TASOR: variants seen among roughly 807,000 people sequenced by gnomAD.
TASOR encodes the protein transcription activation suppressor.
In TASOR, 53 loss-of-function variants were observed where a neutral mutation model predicts 178.6. That is an observed-to-expected ratio of 0.30 (90% CI 0.24 to 0.37). The LOEUF is 0.37. TASOR is among the 10% of genes least tolerant of loss of function. The pLI is 1.00. For synonymous variants in TASOR, 713 were observed against 696.2 expected, an observed-to-expected ratio of 1.02 and a Z score of -0.38; for missense variants, 1,815 against 1,971.4, an observed-to-expected ratio of 0.92 and a Z score of 1.50.
Position 56,641,597 on chromosome 3 carries a change from C to T in TASOR, c.2371G>A (p.Asp791Asn), listed in dbSNP as rs1470481787. ...AATCCTAAGGCTTTGTTGACTGTGT[C>T]TGTCAGAGATGCATCAGAATGGCGC... Reference protein sequence around the residue: ...NARHSDASLTDTVNKALGLST... With the variant: ...NARHSDASLTNTVNKALGLST... The change falls in exon 15 of 24, where the codon GAC becomes AAC. Residue 791 changes from aspartate to asparagine, a missense_variant. This residue lies in a region of TASOR where 655 missense variants were observed against 671.1 expected (regional missense o/e 0.98). Coordinates refer to ENST00000683822, the MANE Select transcript of TASOR (RefSeq NM_001365635.2). The T allele has an allele frequency of 6.2e-7, 1 of 1,614,178 alleles. No individual in the cohort carries two copies. The highest frequency in any genetic ancestry group is 2.2e-5 in the East Asian group (1 of 44,888).
rs749774958 is a variant in TASOR at position 56,633,085 on chromosome 3, T to C, written c.3706A>G (p.Ile1236Val). Residue 1236 changes from isoleucine to valine, a missense_variant, in exon 18 of 24, where the codon ATT becomes GTT. By Grantham distance (29) the Ile-to-Val change is conservative. Transcript: ENST00000683822. ...DVQKNTVKFYIHEEEESVLCK... is the reference protein window; with the variant it reads ...DVQKNTVKFYVHEEEESVLCK... The stretch of plus-strand genomic sequence containing the variant: ...AGCACACTCTCTTCTTCTTCATGAA[T>C]ATAAAATTTCACAGTATTTTTCTGG... 18 of 1,608,048 alleles carry C rather than the reference T, an allele frequency of 1.1e-5. No homozygotes were observed. Among genetic ancestry groups the C allele is most frequent in the Non-Finnish European group, 1.5e-5 (18 of 1,178,216 alleles).
chr3:56,670,288 C>T (rs2030542637), intron 3 of TASOR, 143 bp from the exon 4 acceptor site: 2 of 494,138 alleles, frequency 4.0e-6, no homozygotes, highest in Non-Finnish European at 7.2e-6. Flanking sequence ...ATATATTTGC[C>T]ACTTTATAAA....
chr3:56,641,326 G>C (rs772893094), intron 15 of TASOR, 23 bp downstream of exon 15: 2 of 1,558,308 alleles, frequency 1.3e-6, no homozygotes, highest in South Asian at 2.4e-5. Flanking sequence ...AAACACAAAG[G>C]TAACCAACAG....
At chr3:56,646,095 C>T (rs2077232040) in intron 14 of TASOR, among the ~76,000 whole-genome samples, 1 of 152,094 alleles carries the variant, frequency 6.6e-6, no homozygotes, top group South Asian at 2.1e-4. Context: ...TTGCAGTGAG[C>T]CGAGATCATG....
At chr3:56,636,730 G>A (rs1260988665) in intron 17 of TASOR, among the ~76,000 whole-genome samples, 1 of 151,798 alleles carries the variant, frequency 6.6e-6, no homozygotes, top group East Asian at 1.9e-4. Context: ...TTAAATAATT[G>A]CAGTATTTTA....
intron 1 of TASOR, among the ~76,000 whole-genome samples, chr3:56,675,529 T>C (rs1165946451): frequency 6.6e-6 from 1 of 151,738 alleles, no homozygotes; most frequent in Non-Finnish European, 1.5e-5. Flanking sequence ...TTCTTGAGAA[T>C]TACTGGTCTA....
Position 56,621,201 on chromosome 3 carries a change from T to C in TASOR, c.*1836A>G, listed in dbSNP as rs543212830. The C allele has an allele frequency of 4.0e-5, 7 of 174,534 alleles. No homozygotes were observed. The highest frequency in any genetic ancestry group is 3.0e-4 in the East Asian group (2 of 6,768). The allele number at this position is 174,534 out of a possible 1,614,324, so 10.8% of individuals were successfully genotyped here. A position where few individuals can be genotyped will look rare whatever the true frequency, so the allele number is the denominator to read the frequency against. ...ACAACAACAAAAAAAAAACACTGTATGTTAAGGGAGACTCCTTCAGTATCT... is the reference window on the plus strand; with the variant it reads ...ACAACAACAAAAAAAAAACACTGTACGTTAAGGGAGACTCCTTCAGTATCT... On this transcript the variant is annotated 3_prime_UTR_variant, in exon 24 of 24. Transcript: ENST00000683822.
Position 56,641,425 on chromosome 3 carries a change from A to G in TASOR, c.2543T>C (p.Val848Ala), listed in dbSNP as rs749765135. 1 of 1,605,412 alleles carries G rather than the reference A, an allele frequency of 6.2e-7. No individual in the cohort carries two copies. The highest frequency in any genetic ancestry group is 1.1e-5 in the South Asian group (1 of 90,986). ...FKGTQSLLLE[V>A]DATSKYSVAI... Reference sequence around the variant, plus strand: ...AACAGAATACTTAGATGTTGCATCAACTTCTAGTAATAAGCTCTGAGTACC... The same window carrying G: ...AACAGAATACTTAGATGTTGCATCAGCTTCTAGTAATAAGCTCTGAGTACC... The change falls in exon 15 of 24, where the codon GTT (valine) becomes GCT (alanine). Residue 848 changes from valine to alanine, a missense_variant. Around this residue, in one of 5 missense-constraint regions of TASOR, gnomAD observed 655 missense variants for 671.1 expected, o/e 0.98. Transcript: ENST00000683822.
intron 1 of TASOR, among the ~76,000 whole-genome samples, chr3:56,673,973 A>G (rs554248031): frequency 6.6e-6 from 1 of 152,220 alleles, no homozygotes; most frequent in East Asian, 1.9e-4. Context: ...GGAAGGTGCA[A>G]TTTTGCAAAC....
In TASOR at chr3:56,641,374, G is replaced by A. The variant is rs765167217; in HGVS notation, c.2594C>T (p.Thr865Ile). 6.3e-7 allele frequency: 1 copy of A among 1,595,854 alleles called. No individual in the cohort carries two copies. Residue 865 changes from threonine (T) to isoleucine (I), a missense_variant, in exon 15 of 24, where the codon ACT (threonine) becomes ATT (isoleucine). Thr to Ile is a moderately conservative substitution (Grantham distance 89). Coordinates refer to ENST00000683822, the MANE Select transcript of TASOR (RefSeq NM_001365635.2). ...SVAISTSEVG[T>I]DHKLHLKEDP... ...TTCTTTCAAATGTAGCTTATGGTCA[G>A]TGCCCACTTCGCTGGTAGAAATAGC...
rs1402922624 is a variant in TASOR at position 56,668,545 on chromosome 3, C to T, written c.749G>A (p.Ser250Asn). The T allele has an allele frequency of 6.5e-7, 1 of 1,544,960 alleles. No individual in the cohort carries two copies. Residue 250 changes from serine (S) to asparagine (N), a missense_variant, in exon 6 of 24, where the codon AGT becomes AAT. Ser to Asn is a conservative substitution (Grantham distance 46). Around this residue, in one of 5 missense-constraint regions of TASOR, gnomAD observed 504 missense variants for 645.3 expected, o/e 0.78. Transcript: ENST00000683822. ...TTTTACACCCATGGGGTCATATATA[C>T]TCTTTATTTTACCCTAAAATAGAGA... ...IFKIMKGKIK[S>N]IYDPMGVKSL...
At chr3:56,624,712 A>G in intron 22 of TASOR, 69 bp from the exon 23 acceptor site, 2 of 1,547,996 alleles carry the variant, frequency 1.3e-6, no homozygotes, top group Non-Finnish European at 1.8e-6. Context: ...CCCTCACAAA[A>G]TCTTTTCCTT....
intron 17 of TASOR, among the ~76,000 whole-genome samples, chr3:56,638,483 G>T (rs947409002): frequency 2.6e-5 from 4 of 152,138 alleles, no homozygotes; most frequent in Admixed American, 2.0e-4. Flanking sequence ...TATGGGTGAA[G>T]AAAATTTATA....
At chr3:56,668,872 T>A (rs184113505) in intron 5 of TASOR, among the ~76,000 whole-genome samples, 2 of 152,192 alleles carry the variant, frequency 1.3e-5, no homozygotes. Context: ...CTCAGGAAGC[T>A]ATGGCAGGCA....
chr3:56,667,236 A>G (rs1170784217), intron 6 of TASOR, among the ~76,000 whole-genome samples: 1 of 152,252 alleles, frequency 6.6e-6, no homozygotes, highest in East Asian at 1.9e-4. Flanking sequence ...CCACAACAAT[A>G]GTTCTTAAAA....
rs774785004 is a variant in TASOR, at chr3:56,623,490, T to C, written c.4560A>G (p.Val1520=). Residue 1520 remains valine (V), a synonymous_variant, in exon 24 of 24, where the codon GTA becomes GTG. Transcript: ENST00000683822. ...ATATTTCTGAATGAAAATTGCTGCA[T>C]ACTTCTATATGTGAGATTTCATCCC... The part of the protein sequence containing the change: ...DSGDEISHIE[V]CSNFHSEIWE... 6.2e-7 allele frequency: 1 copy of C among 1,613,044 alleles called. No homozygotes were observed. The highest frequency in any genetic ancestry group is 8.5e-7 in the Non-Finnish European group (1 of 1,179,974).
chr3:56,621,483 A>G lies in TASOR; in HGVS notation c.*1554T>C. The G allele has an allele frequency of 8.7e-7, 1 of 1,152,950 alleles. No homozygotes were observed. Among genetic ancestry groups the G allele is most frequent in the Non-Finnish European group, 1.3e-6 (1 of 799,648 alleles). 71.4% of individuals were successfully genotyped at this position (1,152,950 alleles called of 1,614,324 possible). A position where few individuals can be genotyped will look rare whatever the true frequency, so the allele number is the denominator to read the frequency against. The stretch of plus-strand genomic sequence containing the variant: ...AATTCTAGTTTAACACAACATTGCA[A>G]GTCAGGTGTGCACATTTTACTAACA... On this transcript the variant is annotated 3_prime_UTR_variant, in exon 24 of 24. Coordinates refer to ENST00000683822, the MANE Select transcript of TASOR (RefSeq NM_001365635.2).
At chr3:56,663,667 T>C in intron 7 of TASOR, 95 bp from the exon 8 acceptor site, 3 of 1,157,452 alleles carry the variant, frequency 2.6e-6, no homozygotes, top group Non-Finnish European at 3.2e-6. Flanking sequence ...TTTAATGGCA[T>C]ACTACAGTTA....
chr3:56,653,262 C>CAAAAAAAAA lies in TASOR; in HGVS notation c.1369-4214_1369-4206dup, dbSNP rs1176419181. ...TGGGCAACAGAGTGAGACTCCATCTCAAAAAAAAAAAAAAAAAAAAAAAAA... is the reference window on the plus strand; with the variant it reads ...TGGGCAACAGAGTGAGACTCCATCTCAAAAAAAAAAAAAAAAAAAAAAAAAAAAAAAAAA... On this transcript the variant is annotated intron_variant, in intron 11 of 23. Transcript: ENST00000683822. 4.4e-3 allele frequency among the ~76,000 whole-genome samples: 22 copies of CAAAAAAAAA among 4,970 alleles called. 2 individuals carry two copies. Among genetic ancestry groups the CAAAAAAAAA allele is most frequent in the Non-Finnish European group, 7.3e-3 (18 of 2,480 alleles). The allele number at this position is 4,970 out of a possible 152,430, so 3.3% of individuals were successfully genotyped here. A position where few individuals can be genotyped will look rare whatever the true frequency, so the allele number is the denominator to read the frequency against.
Sources: gnomAD v4.1 joint callset for allele counts (sites outside exome capture counted in the v4.1 genomes callset) on GRCh38, gnomAD v4.1.1 for gene constraint, gnomAD v4.1.1 regional missense constraint, MANE v1.5 for transcripts, NCBI Gene and HGNC (gene_info 2026-07-23, HGNC 2026-07-21) for gene names.